Variants in SCUBE2 observed in about 807,000 individuals in gnomAD.
The protein encoded by SCUBE2 is signal peptide, CUB domain and EGF like domain containing 2, also known as signal peptide, CUB and EGF-like domain-containing protein 2.
SCUBE2 carries 114 observed loss-of-function variants against 125.9 expected under a neutral mutation model. That is an observed-to-expected ratio of 0.91 (90% CI 0.78 to 1.06). SCUBE2 has a LOEUF of 1.06. Ranked by LOEUF, SCUBE2 falls within the 50% of genes least tolerant of loss-of-function variation. The pLI is 0.00. For missense variants in SCUBE2, 1,255 were observed against 1,301.8 expected, an observed-to-expected ratio of 0.96 and a Z score of 0.55; for synonymous variants, 459 against 492.9, an observed-to-expected ratio of 0.93 and a Z score of 0.91.
At chr11:9,037,156 A>G (rs763130568) in intron 16 of SCUBE2, among the ~76,000 whole-genome samples, 5 of 152,234 alleles carry the variant, frequency 3.3e-5, no homozygotes, top group Non-Finnish European at 7.3e-5. Flanking sequence ...TGGCCTGCAG[A>G]GACCTCAATC....
At chr11:9,050,457 C>A in intron 14 of SCUBE2, 149 bp downstream of exon 14, 1 of 650,926 alleles carries the variant, frequency 1.5e-6, no homozygotes, top group East Asian at 2.6e-5. Flanking sequence ...TGGGATGAGT[C>A]CCTGGAAGTT....
chr11:9,026,105 G>A (rs567491142), intron 20 of SCUBE2: 14 of 370,898 alleles, frequency 3.8e-5, no homozygotes, highest in East Asian at 9.4e-5. Flanking sequence ...AGGCTGTACC[G>A]TTCACTGTAG....
At chr11:9,060,384 T>C (rs72547297) in intron 8 of SCUBE2, 24 bp downstream of exon 8, 45,424 of 1,579,004 alleles carry the variant, frequency 0.029, 762 homozygotes, top group Non-Finnish European at 0.034. Flanking sequence ...GGGCACCCAG[T>C]CTCCCTGGGG....
At chr11:9,070,511 C>T (rs1187814841) in intron 4 of SCUBE2, among the ~76,000 whole-genome samples, 1 of 152,214 alleles carries the variant, frequency 6.6e-6, no homozygotes, top group African/African-American at 2.4e-5. Flanking sequence ...TGCTTCTTTG[C>T]ATTCGTGCAA....
intron 4 of SCUBE2, among the ~76,000 whole-genome samples, chr11:9,072,914 G>A (rs1054634013): frequency 6.6e-6 from 1 of 152,144 alleles, no homozygotes; most frequent in African/African-American, 2.4e-5. Context: ...CAGTCCGGGG[G>A]CTTGCAGGAG....
At position 9,021,786 on chromosome 11, in the gene SCUBE2, G is replaced by A. The variant is rs1202128115; in HGVS notation, c.2934+90C>T. On this transcript the variant is annotated intron_variant, in intron 22 of 22. Transcript: ENST00000649792. Reference sequence around the variant, plus strand: ...AGGACAGGCTCCGTGTCTGAAAGGTGGCAACAAGGAGCAGGAGGAGAAGCC... The same window carrying A: ...AGGACAGGCTCCGTGTCTGAAAGGTAGCAACAAGGAGCAGGAGGAGAAGCC... The A allele has an allele frequency of 1.9e-5, 18 of 938,250 alleles. No homozygotes were observed. In the East Asian group the frequency reaches 4.3e-4, roughly 23 times the overall value. The allele number at this position is 938,250 out of a possible 1,614,324, so 58.1% of individuals were successfully genotyped here. A position where few individuals can be genotyped will look rare whatever the true frequency, so the allele number is the denominator to read the frequency against.
At chr11:9,043,802 A>ATT (rs56287123) in intron 16 of SCUBE2, among the ~76,000 whole-genome samples, 139 of 140,320 alleles carry the variant, frequency 9.9e-4, no homozygotes, top group South Asian at 3.0e-3. Flanking sequence ...TAAAATGACT[A>ATT]TTTTTTTTTT....
At chr11:9,030,155 G>T in intron 18 of SCUBE2, 110 bp from the exon 19 acceptor site, 2 of 1,278,298 alleles carry the variant, frequency 1.6e-6, no homozygotes, top group Non-Finnish European at 2.2e-6. Context: ...TGCAAATGAA[G>T]TAGGGCTTTC....
intron 16 of SCUBE2, among the ~76,000 whole-genome samples, chr11:9,046,001 CTTTTTTTT>C (rs58572754): frequency 1.1e-5 from 1 of 92,038 alleles, no homozygotes; most frequent in Non-Finnish European, 2.2e-5. Context: ...GTCTTTCTTT[CTTTTTTTT>C]TTTTTTTTTT....
At chr11:9,038,865 T>G (rs1856963334) in intron 16 of SCUBE2, among the ~76,000 whole-genome samples, 1 of 149,764 alleles carries the variant, frequency 6.7e-6, no homozygotes, top group South Asian at 2.1e-4. Flanking sequence ...ACAATCTGAT[T>G]TATGTTTTTC....
Position 9,027,346 on chromosome 11 carries a change from G to T in SCUBE2, c.2701+18C>A, listed in dbSNP as rs1855861489. 1.2e-6 allele frequency: 2 copies of T among 1,612,738 alleles called. No individual in the cohort carries two copies. The highest frequency in any genetic ancestry group is 8.5e-7 in the Non-Finnish European group (1 of 1,179,432). On this transcript the variant is annotated intron_variant, in intron 20 of 22. Transcript: ENST00000649792. ...TTCCCAGCTGGCCTGAGAAAGGGAGGGAGGGAGTGAGACGCACAGGTTTTC... is the reference window on the plus strand; with the variant it reads ...TTCCCAGCTGGCCTGAGAAAGGGAGTGAGGGAGTGAGACGCACAGGTTTTC...
At chr11:9,037,428 C>G (rs1883101) in intron 16 of SCUBE2, among the ~76,000 whole-genome samples, 96,371 of 152,190 alleles carry the variant, frequency 0.63, 31,832 homozygotes, top group East Asian at 0.9. Context: ...TTGAAGCCTC[C>G]GCCTCTTTTC....
intron 16 of SCUBE2, among the ~76,000 whole-genome samples, chr11:9,042,036 C>T (rs764565302): frequency 1.3e-5 from 2 of 152,086 alleles, no homozygotes; most frequent in African/African-American, 2.4e-5. Context: ...TGGACAGACT[C>T]GGGATTAGGC....
chr11:9,051,528 C>G (rs1378561507), intron 13 of SCUBE2, among the ~76,000 whole-genome samples: 1 of 152,152 alleles, frequency 6.6e-6, no homozygotes, highest in Non-Finnish European at 1.5e-5. Flanking sequence ...GAGGGTCCCA[C>G]TGTGAGAGCC....
At chr11:9,048,550 C>T (rs1858030581) in intron 14 of SCUBE2, among the ~76,000 whole-genome samples, 1 of 152,214 alleles carries the variant, frequency 6.6e-6, no homozygotes, top group Admixed American at 6.5e-5. Flanking sequence ...GGCAAACTGA[C>T]CTTGGAGTCA....
intron 7 of SCUBE2, 44 bp downstream of exon 7, chr11:9,065,847 A>G (rs1467402004): frequency 6.5e-7 from 1 of 1,541,600 alleles, no homozygotes; most frequent in Non-Finnish European, 9.0e-7. Flanking sequence ...GGGGAGGGAA[A>G]AGGACAATTG....
At chr11:9,084,220 T>C (rs750627781) in intron 2 of SCUBE2, among the ~76,000 whole-genome samples, 19 of 152,334 alleles carry the variant, frequency 1.2e-4, no homozygotes, top group Non-Finnish European at 2.2e-4. Flanking sequence ...GAGCTTCCAA[T>C]GGCTAAAGCA....
At chr11:9,027,108 G>T (rs1347286549) in intron 20 of SCUBE2, 4 of 499,408 alleles carry the variant, frequency 8.0e-6, no homozygotes, top group African/African-American at 7.7e-5. Flanking sequence ...CCTTGTGGAA[G>T]AGGGTCCAAA....
At chr11:9,080,182 T>C (rs1861526320) in intron 2 of SCUBE2, among the ~76,000 whole-genome samples, 1 of 152,196 alleles carries the variant, frequency 6.6e-6, no homozygotes, top group African/African-American at 2.4e-5. Flanking sequence ...GCTAAGGTAA[T>C]CCATTGGGAG....
Sources: allele counts gnomAD v4.1 joint callset (sites outside exome capture counted in the v4.1 genomes callset), GRCh38; gene constraint gnomAD v4.1.1; transcripts MANE v1.5; gene names NCBI Gene and HGNC (gene_info 2026-07-23, HGNC 2026-07-21).